The following HHAT variants were observed in gnomAD, a reference collection of about 807,000 sequenced individuals.
HHAT encodes hedgehog acyltransferase.
Under a neutral mutation model 70.8 loss-of-function variants are expected in HHAT, and 47 were observed. The observed-to-expected ratio is 0.66, with a 90% confidence interval of 0.53 to 0.85. HHAT has a LOEUF of 0.85. HHAT is among the 40% of genes least tolerant of loss of function. The pLI is 0.00. For missense variants in HHAT, 609 were observed against 604.8 expected, an observed-to-expected ratio of 1.01 and a Z score of -0.07; for synonymous variants, 228 against 247.6, an observed-to-expected ratio of 0.92 and a Z score of 0.74.
intron 7 of HHAT, among the ~76,000 whole-genome samples, chr1:210,429,494 T>C (rs779412890): frequency 6.6e-6 from 1 of 151,894 alleles, no homozygotes; most frequent in Non-Finnish European, 1.5e-5. Flanking sequence ...ATTTGACTTT[T>C]TAAAATTGCG....
chr1:210,594,977 T>C (rs57006237), intron 10 of HHAT, among the ~76,000 whole-genome samples: 146,077 of 151,868 alleles, frequency 0.96, 70,500 homozygotes, highest in South Asian at 1. Flanking sequence ...TTTTTTTAAA[T>C]TAATTTATTT....
chr1:210,510,949 C>T (rs1390531245), intron 8 of HHAT, among the ~76,000 whole-genome samples: 7 of 152,140 alleles, frequency 4.6e-5, no homozygotes, highest in Admixed American at 4.6e-4. Context: ...TGAAAAGGCT[C>T]TACAAGCTTT....
chr1:210,562,851 T>A (rs1208265788), intron 9 of HHAT, among the ~76,000 whole-genome samples: 1 of 124,132 alleles, frequency 8.1e-6, no homozygotes, highest in East Asian at 2.7e-4. Context: ...TTCCCCTTCC[T>A]GTGTCCATGT....
intron 11 of HHAT, among the ~76,000 whole-genome samples, chr1:210,659,063 C>CAG (rs199729368): frequency 0.26 from 38,888 of 151,966 alleles, 5,940 homozygotes; most frequent in South Asian, 0.36. Flanking sequence ...CAAAAGCTAG[C>CAG]AGAAGGCAAG....
intron 10 of HHAT, among the ~76,000 whole-genome samples, chr1:210,601,364 A>C (rs918662105): frequency 2.6e-5 from 4 of 152,140 alleles, no homozygotes; most frequent in African/African-American, 9.7e-5. Flanking sequence ...AGCCCCAACT[A>C]AGCCTCTGAG....
chr1:210,355,385 T>C (rs1427269704), intron 2 of HHAT, among the ~76,000 whole-genome samples: 1 of 152,246 alleles, frequency 6.6e-6, no homozygotes, highest in Admixed American at 6.5e-5. Flanking sequence ...CAAGCTTTAC[T>C]TACTTGTTTT....
At chr1:210,576,251 A>G (rs981210362) in intron 9 of HHAT, among the ~76,000 whole-genome samples, 5 of 152,184 alleles carry the variant, frequency 3.3e-5, no homozygotes, top group Admixed American at 2.0e-4. Flanking sequence ...AATGCTACTC[A>G]TTATGATAAT....
At chr1:210,599,458 C>G (rs1040820880) in intron 10 of HHAT, among the ~76,000 whole-genome samples, 1 of 152,122 alleles carries the variant, frequency 6.6e-6, no homozygotes, top group Non-Finnish European at 1.5e-5. Flanking sequence ...ATATGGAGCT[C>G]GTGACCCCCT....
At chr1:210,561,326 T>C (rs1466805903) in intron 9 of HHAT, among the ~76,000 whole-genome samples, 2 of 152,230 alleles carry the variant, frequency 1.3e-5, no homozygotes, top group Non-Finnish European at 2.9e-5. Context: ...ATTCTGCACC[T>C]CATTTTGCAT....
chr1:210,455,614 C>T (rs1185955210), intron 7 of HHAT, among the ~76,000 whole-genome samples: 1 of 152,160 alleles, frequency 6.6e-6, no homozygotes, highest in East Asian at 1.9e-4. Flanking sequence ...CCACTTGTTA[C>T]TGTGTGATCT....
At chr1:210,596,382 C>T (rs191043055) in intron 10 of HHAT, among the ~76,000 whole-genome samples, 2 of 152,142 alleles carry the variant, frequency 1.3e-5, no homozygotes, top group Non-Finnish European at 2.9e-5. Flanking sequence ...GGGAAGTTCT[C>T]TGATATTATC....
At chr1:210,428,286 CTA>C (rs66516721) in intron 7 of HHAT, among the ~76,000 whole-genome samples, 12 of 101,484 alleles carry the variant, frequency 1.2e-4, no homozygotes, top group South Asian at 3.1e-4. Flanking sequence ...TGAGCTTATA[CTA>C]TATATATATA....
In HHAT at chr1:210,373,241, C is replaced by T. The variant is rs530851501; in HGVS notation, c.159+10322C>T. ...AACAAGACTCAGAGAGAAAGGGGGA[C>T]GGGATTATTCCAGCCTAGGGCAGGT... On this transcript the variant is annotated intron_variant, in intron 3 of 11. Coordinates refer to ENST00000261458, the MANE Select transcript of HHAT (RefSeq NM_018194.6). 6.9e-4 allele frequency among the ~76,000 whole-genome samples: 105 copies of T among 151,786 alleles called. 1 individual carries two copies. Among genetic ancestry groups the T allele is most frequent in the African/African-American group, 2.2e-3 (91 of 41,372 alleles).
chr1:210,550,597 T>A (rs560588081), intron 9 of HHAT, among the ~76,000 whole-genome samples: 1 of 148,432 alleles, frequency 6.7e-6, no homozygotes, highest in South Asian at 2.2e-4. Context: ...GGGAGAGAGG[T>A]GGAAAGGAGA....
intron 10 of HHAT, among the ~76,000 whole-genome samples, chr1:210,593,541 T>A (rs1662232459): frequency 6.6e-6 from 1 of 152,196 alleles, no homozygotes; most frequent in Non-Finnish European, 1.5e-5. Flanking sequence ...AGATAGTGGA[T>A]ATCATTTCAT....
chr1:210,616,872 A>G (rs1667863633), intron 10 of HHAT, among the ~76,000 whole-genome samples: 1 of 152,260 alleles, frequency 6.6e-6, no homozygotes, highest in Non-Finnish European at 1.5e-5. Context: ...CTGCTCACAC[A>G]GTGAATTTTT....
At chr1:210,661,134 T>C (rs923285820) in intron 11 of HHAT, among the ~76,000 whole-genome samples, 2 of 152,154 alleles carry the variant, frequency 1.3e-5, no homozygotes, top group Non-Finnish European at 2.9e-5. Flanking sequence ...ACAGGCAACC[T>C]ACAGAATGGG....
intron 8 of HHAT, among the ~76,000 whole-genome samples, chr1:210,473,425 A>AGG (rs2094243611): frequency 6.6e-6 from 1 of 152,130 alleles, no homozygotes; most frequent in African/African-American, 2.4e-5. Context: ...CTTAGCCAAG[A>AGG]GGAGGGGTCC....
intron 9 of HHAT, among the ~76,000 whole-genome samples, chr1:210,587,634 C>T (rs1660759179): frequency 6.6e-6 from 1 of 152,160 alleles, no homozygotes; most frequent in African/African-American, 2.4e-5. Flanking sequence ...GACTTCTTGC[C>T]CTGCCTCTTG....
Sources: allele counts gnomAD v4.1 joint callset (sites outside exome capture counted in the v4.1 genomes callset), GRCh38; gene constraint gnomAD v4.1.1; transcripts MANE v1.5; gene names NCBI Gene and HGNC (gene_info 2026-07-23, HGNC 2026-07-21).